Variants in RABGEF1 observed in about 807,000 individuals in gnomAD.
RABGEF1 encodes RAB guanine nucleotide exchange factor 1.
RABGEF1 carries 26 observed loss-of-function variants against 57.3 expected under a neutral mutation model. The observed-to-expected ratio is 0.45, with a 90% confidence interval of 0.33 to 0.63. The LOEUF (loss-of-function observed/expected upper bound fraction) is 0.63. Ranked by LOEUF, RABGEF1 falls within the 20% of genes least tolerant of loss-of-function variation. The pLI, the probability that RABGEF1 is intolerant of heterozygous loss-of-function variation, is 0.02. For synonymous variants in RABGEF1, 185 were observed against 210.7 expected (o/e 0.88, Z 1.06); for missense variants, 464 against 607.6 (o/e 0.76, Z 2.48).
At chr7:66,796,638 G>C (rs1289516112) in intron 5 of RABGEF1, 1 of 226,780 alleles carries the variant, frequency 4.4e-6, no homozygotes. Context: ...TGTCGTCCAA[G>C]CTGGAGTACA....
rs866156642 is a variant in RABGEF1, at chr7:66,767,004, T to C, written c.-17-4879T>C. Among the ~76,000 whole-genome samples the C allele has an allele frequency of 2.0e-3, 263 of 131,370 alleles. 1 individual carries two copies. The highest frequency in any genetic ancestry group is 2.8e-3 in the Non-Finnish European group (158 of 56,182). The allele number at this position is 131,370 out of a possible 152,430, so 86.2% of individuals were successfully genotyped here. ...TGGAAATTGCCTGTCAAGTTTCTTT[T>C]TTTTTTTTTTTTTTTTGAGATGGCG... On this transcript the variant is annotated intron_variant, in intron 1 of 8. Transcript: ENST00000284957.
intron 1 of RABGEF1, among the ~76,000 whole-genome samples, chr7:66,748,442 T>C (rs950968773): frequency 1.3e-5 from 2 of 152,242 alleles, no homozygotes; most frequent in Non-Finnish European, 2.9e-5. Flanking sequence ...GTTCCTTGAA[T>C]GCATCTGTTT....
chr7:66,771,635 T>G (rs1807165704), intron 1 of RABGEF1, among the ~76,000 whole-genome samples: 1 of 148,154 alleles, frequency 6.7e-6, no homozygotes, highest in Non-Finnish European at 1.5e-5. Flanking sequence ...CTTTCTTAAT[T>G]TTTTATTTTT....
Position 66,730,133 on chromosome 7 carries a change from G to C in RABGEF1, c.-814-9863G>C, listed in dbSNP as rs187592829. 4.3e-4 allele frequency among the ~76,000 whole-genome samples: 66 copies of C among 152,350 alleles called. No individual in the cohort carries two copies. The East Asian group carries it at 6.6e-3, about 15-fold the overall frequency. On this transcript the variant is annotated intron_variant and NMD_transcript_variant, in intron 2 of 9. Transcript: ENST00000607882. ...TCTCATCTCTAAGATGAAAAGAGCA[G>C]CACTTCCTCACGTCCACGGAGAGTG... is the stretch of plus-strand genomic sequence containing the variant.
intron 7 of RABGEF1, 105 bp downstream of exon 7, chr7:66,799,519 A>G (rs1270124472): frequency 4.4e-6 from 4 of 910,966 alleles, no homozygotes. Context: ...TGTCGAAGGT[A>G]CATTGGAATG....
the RABGEF1 span, among the ~76,000 whole-genome samples, chr7:66,655,965 T>C: frequency 0.04 from 6,076 of 152,012 alleles, 175 homozygotes; most frequent in East Asian, 0.088. Context: ...GAGGAGGGAG[T>C]CGGGCATTTA....
the RABGEF1 span, among the ~76,000 whole-genome samples, chr7:66,661,748 A>G: frequency 3.9e-5 from 6 of 152,250 alleles, no homozygotes; most frequent in Non-Finnish European, 8.8e-5. Context: ...GAAGAGGAGG[A>G]AATACTTTCT....
chr7:66,731,769 C>T (rs1362177715), intron 2 of RABGEF1, among the ~76,000 whole-genome samples: 1 of 152,158 alleles, frequency 6.6e-6, no homozygotes, highest in Non-Finnish European at 1.5e-5. Flanking sequence ...CCTCCTGTGC[C>T]ACAGTCATGC....
chr7:66,694,419 G>C (rs1463275676), intron 1 of RABGEF1, among the ~76,000 whole-genome samples: 1 of 152,264 alleles, frequency 6.6e-6, no homozygotes, highest in Non-Finnish European at 1.5e-5. Context: ...GATGAACCCG[G>C]GGAGTTGGAC....
At chr7:66,767,148 G>A (rs997705580) in intron 1 of RABGEF1, among the ~76,000 whole-genome samples, 24 of 151,840 alleles carry the variant, frequency 1.6e-4, no homozygotes, top group Middle Eastern at 3.4e-3. Flanking sequence ...GATTACAGAC[G>A]TCTGCCACCA....
intron 2 of RABGEF1, among the ~76,000 whole-genome samples, chr7:66,774,678 T>C (rs1678055551): frequency 6.6e-6 from 1 of 152,136 alleles, no homozygotes; most frequent in Non-Finnish European, 1.5e-5. Context: ...GAGAATTGCT[T>C]GAACTCGGGA....
In RABGEF1 at chr7:66,809,421, G is replaced by A; in HGVS notation, c.*137G>A. 1.1e-6 allele frequency: 1 copy of A among 951,108 alleles called. No individual in the cohort carries two copies. Among genetic ancestry groups the A allele is most frequent in the East Asian group, 2.8e-5 (1 of 35,792 alleles). 58.9% of individuals were successfully genotyped at this position (951,108 alleles called of 1,614,324 possible). A position where few individuals can be genotyped will look rare whatever the true frequency, so the allele number is the denominator to read the frequency against. ...TTTAAAGGTACAGTATATGGGGATT[G>A]TTTCGTTTTTCCTAGCAGGGGAACC... On this transcript the variant is annotated 3_prime_UTR_variant, in exon 9 of 9. Transcript: ENST00000284957.
intron 2 of RABGEF1, chr7:66,773,746 A>G (rs138725838): frequency 2.2e-6 from 1 of 453,410 alleles, no homozygotes; most frequent in African/African-American, 2.0e-5. Context: ...ACTTACTGCA[A>G]CCTCTGCTTC....
intron 2 of RABGEF1, among the ~76,000 whole-genome samples, chr7:66,717,582 C>T (rs1272768055): frequency 6.6e-6 from 1 of 151,196 alleles, no homozygotes; most frequent in Non-Finnish European, 1.5e-5. Flanking sequence ...TATGGTGAAA[C>T]CCCGTCTCTA....
At chr7:66,660,037 C>T in the RABGEF1 span, among the ~76,000 whole-genome samples, 1 of 151,498 alleles carries the variant, frequency 6.6e-6, no homozygotes, top group South Asian at 2.1e-4. Flanking sequence ...CTCAAATATC[C>T]AAAATCAGAA....
chr7:66,809,259 T>G lies in RABGEF1; in HGVS notation c.1451T>G (p.Leu484Arg). ...GAAAATGATAAACTTCCTCCACCAC[T>G]GCAACCTCAAGTTTATGCAGGATGA... The part of the protein sequence containing the change: ...NVENDKLPPP[L>R]QPQVYAG Residue 484 changes from leucine to arginine, a missense_variant, in exon 9 of 9, where the codon CTG (leucine) becomes CGG (arginine). Leu to Arg is a moderately radical substitution (Grantham distance 102, BLOSUM62 -2). Around this residue, in one of 4 missense-constraint regions of RABGEF1, gnomAD observed 151 missense variants for 152.2 expected, o/e 0.99. Coordinates refer to ENST00000284957, the MANE Select transcript of RABGEF1 (RefSeq NM_014504.3). The G allele has an allele frequency of 6.2e-7, 1 of 1,610,314 alleles. No homozygotes were observed. Among genetic ancestry groups the G allele is most frequent in the Non-Finnish European group, 8.5e-7 (1 of 1,177,400 alleles).
intron 4 of RABGEF1, among the ~76,000 whole-genome samples, chr7:66,787,321 A>AC (rs1344458741): frequency 6.1e-5 from 8 of 131,762 alleles, no homozygotes; most frequent in African/African-American, 2.3e-4. Context: ...GAAGTGAGCC[A>AC]CCATGCCTGG....
chr7:66,794,734 A>G (rs192478292), intron 4 of RABGEF1, among the ~76,000 whole-genome samples: 1 of 152,300 alleles, frequency 6.6e-6, no homozygotes, highest in African/African-American at 2.4e-5. Flanking sequence ...TTGGAAATGT[A>G]TGACAGAGAA....
intron 4 of RABGEF1, among the ~76,000 whole-genome samples, chr7:66,787,504 G>A (rs1423665422): frequency 1.3e-5 from 2 of 151,816 alleles, no homozygotes; most frequent in East Asian, 1.9e-4. Flanking sequence ...CCACCATGCC[G>A]AGCTAATTTT....
Sources: allele counts gnomAD v4.1 joint callset (sites outside exome capture counted in the v4.1 genomes callset), GRCh38; gene constraint gnomAD v4.1.1; regional missense constraint gnomAD v4.1.1; transcripts MANE v1.5; gene names NCBI Gene and HGNC (gene_info 2026-07-23, HGNC 2026-07-21).